WNK1: variants seen among roughly 807,000 people sequenced by gnomAD.
WNK1 encodes the protein serine/threonine-protein kinase WNK1.
A neutral mutation model predicts 222.8 loss-of-function variants in WNK1; 38 were observed. The observed-to-expected ratio is 0.17, with a 90% CI of 0.13 to 0.22. The LOEUF (loss-of-function observed/expected upper bound fraction) is 0.22, where lower values mean the gene tolerates loss of function less well. WNK1 is among the 10% of genes least tolerant of loss of function. The pLI, the probability that WNK1 is intolerant of heterozygous loss-of-function variation, is 1.00. For missense variants in WNK1, 2,348 were observed against 2,918.4 expected (o/e 0.80, Z 4.50); for synonymous variants, 1,090 against 1,092.9 (o/e 1.00, Z 0.05).
rs72649867 is a variant in WNK1, at chr12:870,883, C to G, written c.2140-382C>G. Among the ~76,000 whole-genome samples, 5 of 152,284 alleles carry G rather than the reference C, an allele frequency of 3.3e-5. 1 individual carries two copies. Among genetic ancestry groups the G allele is most frequent in the African/African-American group, 1.2e-4 (5 of 41,568 alleles). Reference sequence around the variant, plus strand: ...TTACCAAATTAGCATTACCAAATACCTTTCTTTAATTCTTCAGATAAATTT... The same window carrying G: ...TTACCAAATTAGCATTACCAAATACGTTTCTTTAATTCTTCAGATAAATTT... On this transcript the variant is annotated intron_variant, in intron 8 of 27. Transcript: ENST00000315939.
At chr12:783,052 T>C (rs781729191) in intron 1 of WNK1, among the ~76,000 whole-genome samples, 1 of 151,668 alleles carries the variant, frequency 6.6e-6, no homozygotes, top group Non-Finnish European at 1.5e-5. Context: ...TACAAGCACG[T>C]GCCACCACAC....
At chr12:757,170 A>AT (rs1305202423) in intron 1 of WNK1, among the ~76,000 whole-genome samples, 1 of 151,926 alleles carries the variant, frequency 6.6e-6, no homozygotes, top group Non-Finnish European at 1.5e-5. Context: ...TTGGGTGTTG[A>AT]TTTTTATCAC....
Position 884,553 on chromosome 12 carries a change from CAG to C in WNK1, c.3845-94_3845-93del, listed in dbSNP as rs1288675619. ...ATTACTCCATATTTTTTATCAAAAA[CAG>C]ATATTTATAGGAGCTGACTTAGGCT... On this transcript the variant is annotated intron_variant, in intron 18 of 27. Transcript: ENST00000315939. The surrounding 1 kb of genome is among the most constrained non-coding windows in gnomAD (Gnocchi z 5.6). 3.7e-5 allele frequency: 47 copies of C among 1,281,336 alleles called. No individual in the cohort carries two copies. The highest frequency in any genetic ancestry group is 2.3e-4 in the South Asian group (19 of 81,052). 79.4% of individuals were successfully genotyped at this position (1,281,336 alleles called of 1,614,324 possible).
Position 896,124 on chromosome 12 carries a change from T to C in WNK1, c.5637T>C (p.Asp1879=), listed in dbSNP as rs755482752. The change falls in exon 24 of 28, where the codon GAT becomes GAC. Residue 1879 remains aspartate, a synonymous_variant. Transcript: ENST00000315939. ...AQKEGKNKSE[D]AKSVHFESST... ...AAGAGGGTAAAAATAAGTCAGAAGATGCAAAGTCTGTTCATTTTGAATCCA... is the reference window on the plus strand; with the variant it reads ...AAGAGGGTAAAAATAAGTCAGAAGACGCAAAGTCTGTTCATTTTGAATCCA... The C allele has an allele frequency of 6.2e-7, 1 of 1,614,240 alleles. No individual in the cohort carries two copies. The highest frequency in any genetic ancestry group is 8.5e-7 in the Non-Finnish European group (1 of 1,180,052).
chr12:791,961 G>A (rs1249717087), intron 1 of WNK1, among the ~76,000 whole-genome samples: 4 of 152,138 alleles, frequency 2.6e-5, no homozygotes, highest in African/African-American at 9.7e-5. Context: ...CTATCAGAGG[G>A]TGCACAACAG....
At chr12:894,532 AT>A (rs1446621257) in intron 22 of WNK1, 29 bp from the exon 23 acceptor site, 30 of 1,582,788 alleles carry the variant, frequency 1.9e-5, no homozygotes, top group Non-Finnish European at 2.4e-5. Context: ...GGAGACACTT[AT>A]GTTTTCCTCA....
intron 4 of WNK1, among the ~76,000 whole-genome samples, chr12:835,692 C>T (rs1489884127): frequency 1.3e-5 from 2 of 152,120 alleles, no homozygotes; most frequent in Non-Finnish European, 2.9e-5. Context: ...ATAGCTCACG[C>T]CTGTAATCCC....
rs188510096 is a variant in WNK1, at chr12:782,982, C to T, written c.759+28658C>T. 2.0e-3 allele frequency among the ~76,000 whole-genome samples: 311 copies of T among 151,940 alleles called. 1 individual carries two copies. The highest frequency in any genetic ancestry group is 6.9e-3 in the African/African-American group (286 of 41,426). The stretch of plus-strand genomic sequence containing the variant: ...AGTGGTGCACGATTATGGCTCACTG[C>T]AGCTTCGAACTCCTGGGCTTAAGCG... On this transcript the variant is annotated intron_variant, in intron 1 of 27. Coordinates refer to ENST00000315939, the MANE Select transcript of WNK1 (RefSeq NM_018979.4).
intron 21 of WNK1, 144 bp from the exon 22 acceptor site, chr12:890,309 A>C: frequency 1.2e-6 from 1 of 865,876 alleles, no homozygotes. Context: ...AAAGGAAAGA[A>C]GATAAAATGT....
Position 910,515 on chromosome 12 carries a change from T to C in WNK1, c.*1723T>C, listed in dbSNP as rs921711500. The C allele has an allele frequency of 6.6e-6, 1 of 152,030 alleles. No homozygotes were observed. Among genetic ancestry groups the C allele is most frequent in the Non-Finnish European group, 1.5e-5 (1 of 67,996 alleles). 9.4% of individuals were successfully genotyped at this position (152,030 alleles called of 1,614,324 possible). On this transcript the variant is annotated 3_prime_UTR_variant, in exon 28 of 28. Coordinates refer to ENST00000315939, the MANE Select transcript of WNK1 (RefSeq NM_018979.4). Reference sequence around the variant, plus strand: ...TATGCCTCCTTGTAATGGGTAGTTATTAATTATTTTCAGAGCTTTCCGGAA... The same window carrying C: ...TATGCCTCCTTGTAATGGGTAGTTACTAATTATTTTCAGAGCTTTCCGGAA...
Position 842,858 on chromosome 12 carries a change from G to C in WNK1, c.1311+12698G>C, listed in dbSNP as rs190375731. ...ATATTGCAGAGGCCTTGGTGGTAAA[G>C]GTTTGAGATTCTGTCATCTGAGAAT... On this transcript the variant is annotated intron_variant, in intron 4 of 27. Transcript: ENST00000315939. Among the ~76,000 whole-genome samples, 405 of 152,244 alleles carry C rather than the reference G, an allele frequency of 2.7e-3. 5 individuals carry two copies. The highest frequency in any genetic ancestry group is 0.01 in the Middle Eastern group (3 of 294).
At chr12:799,728 A>C (rs1006529266) in intron 1 of WNK1, among the ~76,000 whole-genome samples, 1 of 152,154 alleles carries the variant, frequency 6.6e-6, no homozygotes, top group Non-Finnish European at 1.5e-5. Flanking sequence ...GCTGTTGCCC[A>C]GGCTGGAGTG....
intron 9 of WNK1, chr12:877,980 T>C (rs1417999798): frequency 5.4e-6 from 3 of 550,808 alleles, no homozygotes; most frequent in Non-Finnish European, 9.7e-6. Context: ...GAAGAGCCAA[T>C]GGTAACTTGA....
rs1952868047 is a variant in WNK1 at position 878,885 on chromosome 12, T to TTGTATTGTTGTA, written c.2373+527_2373+528insATTGTTGTATGT. On this transcript the variant is annotated intron_variant, in intron 10 of 27. Transcript: ENST00000315939. ...TTTTCAACTTTATTTTTGAGTACTG[T>TTGTATTGTTGTA]TGTGCATGTATGTGCACAGTGTATT... 2.0e-5 allele frequency among the ~76,000 whole-genome samples: 3 copies of TTGTATTGTTGTA among 152,168 alleles called. No individual in the cohort carries two copies. The South Asian group carries it at 6.2e-4, about 32-fold the overall frequency.
At chr12:904,657 A>G (rs1201386540) in intron 26 of WNK1, among the ~76,000 whole-genome samples, 1 of 152,190 alleles carries the variant, frequency 6.6e-6, no homozygotes, top group Non-Finnish European at 1.5e-5. Context: ...ATCATCTCCT[A>G]GTCGGTGCCC....
chr12:786,491 G>T, intron 1 of WNK1, among the ~76,000 whole-genome samples: 2 of 130,032 alleles, frequency 1.5e-5, no homozygotes. Context: ...TTTTGAGACA[G>T]AATTTCACTC....
At chr12:831,537 CAAA>C (rs765971109) in intron 4 of WNK1, among the ~76,000 whole-genome samples, 2 of 109,038 alleles carry the variant, frequency 1.8e-5, no homozygotes, top group African/African-American at 3.5e-5. Flanking sequence ...GACTCTGTCT[CAAA>C]AAAAAAAAAA....
At chr12:901,750 C>A in intron 26 of WNK1, 1 of 599,950 alleles carries the variant, frequency 1.7e-6, no homozygotes, top group Non-Finnish European at 2.5e-6. Context: ...TTTTGTATAT[C>A]ATCTACTCAG....
At chr12:754,411 G>C (rs1939654433) in intron 1 of WNK1, 87 bp downstream of exon 1, 1 of 1,567,730 alleles carries the variant, frequency 6.4e-7, no homozygotes, top group Non-Finnish European at 8.8e-7. Flanking sequence ...CCCTTCACTT[G>C]GCATTCTCTG....
Sources: gnomAD v4.1 joint callset for allele counts (sites outside exome capture counted in the v4.1 genomes callset) on GRCh38, gnomAD v4.1.1 for gene constraint, Gnocchi (gnomAD v3.1) non-coding constraint, MANE v1.5 for transcripts, NCBI Gene and HGNC (gene_info 2026-07-23, HGNC 2026-07-21) for gene names.